Variants in RANBP2 observed in about 807,000 individuals in gnomAD.
RANBP2 encodes the protein RAN binding protein 2, also known as E3 SUMO-protein ligase RanBP2.
RANBP2 carries 57 observed loss-of-function variants against 303.6 expected under a neutral mutation model. That is an observed-to-expected ratio of 0.19 (90% CI 0.15 to 0.23). The LOEUF (loss-of-function observed/expected upper bound fraction) is 0.23, where lower values mean the gene tolerates loss of function less well. Ranked by LOEUF, RANBP2 falls within the 10% of genes least tolerant of loss-of-function variation. The pLI is 1.00. For missense variants in RANBP2, 3,138 were observed against 3,780.8 expected, an observed-to-expected ratio of 0.83 and a Z score of 4.46; for synonymous variants, 1,167 against 1,301.5, an observed-to-expected ratio of 0.90 and a Z score of 2.23.
the RANBP2 span, chr2:109,592,978 C>T: frequency 3.7e-5 from 38 of 1,027,200 alleles, no homozygotes; most frequent in Admixed American, 2.3e-4. Flanking sequence ...TCTATAAGCA[C>T]TCCAAGTAGT....
chr2:108,987,507 C>A, the RANBP2 span, among the ~76,000 whole-genome samples: 2 of 152,208 alleles, frequency 1.3e-5, no homozygotes, highest in East Asian at 3.9e-4. Context: ...AATGTGTATG[C>A]CCAACAAAAT....
At chr2:108,976,486 G>A in the RANBP2 span, among the ~76,000 whole-genome samples, 4 of 152,156 alleles carry the variant, frequency 2.6e-5, no homozygotes, top group Admixed American at 2.6e-4. Flanking sequence ...TCCTTCCGGT[G>A]CTCCTTGGAA....
At chr2:109,216,784 A>G in the RANBP2 span, among the ~76,000 whole-genome samples, 12 of 152,250 alleles carry the variant, frequency 7.9e-5, no homozygotes, top group African/African-American at 2.9e-4. Flanking sequence ...TTGTGGCAAA[A>G]TATACATAAC....
At chr2:109,020,805 T>C in the RANBP2 span, among the ~76,000 whole-genome samples, 1 of 152,250 alleles carries the variant, frequency 6.6e-6, no homozygotes, top group Non-Finnish European at 1.5e-5. Context: ...CCAGTATAGC[T>C]TTGTGAAAAG....
Position 108,719,651 on chromosome 2 carries a change from G to T in RANBP2, c.45G>T (p.Val15=). The T allele has an allele frequency of 6.2e-7, 1 of 1,607,666 alleles. No individual in the cohort carries two copies. The highest frequency in any genetic ancestry group is 1.3e-5 in the African/African-American group (1 of 74,940). The change falls in exon 1 of 29, where the codon GTG becomes GTT. Residue 15 remains valine (V), a synonymous_variant. Transcript: ENST00000283195. The part of the protein sequence containing the change: ...KADVERYIAS[V]QGSTPSPRQK... ...ACGTGGAGCGGTACATCGCCTCGGT[G>T]CAGGGCTCCACCCCGTCGCCTCGAC...
At chr2:109,465,010 T>A in the RANBP2 span, among the ~76,000 whole-genome samples, 1 of 152,220 alleles carries the variant, frequency 6.6e-6, no homozygotes, top group Non-Finnish European at 1.5e-5. Context: ...ACCACTGACC[T>A]TTTTACTGCC....
chr2:108,868,226 G>A, the RANBP2 span, among the ~76,000 whole-genome samples: 2 of 152,068 alleles, frequency 1.3e-5, no homozygotes, highest in African/African-American at 4.8e-5. Context: ...TAAGTTACTC[G>A]CGATAGATTT....
At chr2:109,396,852 C>G in the RANBP2 span, among the ~76,000 whole-genome samples, 1 of 152,226 alleles carries the variant, frequency 6.6e-6, no homozygotes, top group Non-Finnish European at 1.5e-5. Flanking sequence ...ACTTCCATAG[C>G]GGCTCACATG....
the RANBP2 span, among the ~76,000 whole-genome samples, chr2:108,986,825 G>A: frequency 1.3e-5 from 2 of 152,206 alleles, no homozygotes; most frequent in Non-Finnish European, 2.9e-5. Context: ...AGTAAGGACA[G>A]AATCGTAGGC....
chr2:109,266,579 T>G, the RANBP2 span, among the ~76,000 whole-genome samples: 1 of 152,062 alleles, frequency 6.6e-6, no homozygotes, highest in Admixed American at 6.5e-5. Context: ...GTTTTGTGCC[T>G]GATGCCCGTC....
the RANBP2 span, chr2:108,846,977 A>AATATCAT: frequency 9.8e-7 from 1 of 1,019,508 alleles, no homozygotes; most frequent in South Asian, 1.4e-5. Flanking sequence ...AACAATAGAG[A>AATATCAT]ATATCATATA....
chr2:109,326,223 C>A, the RANBP2 span, among the ~76,000 whole-genome samples: 1 of 152,162 alleles, frequency 6.6e-6, no homozygotes, highest in African/African-American at 2.4e-5. Flanking sequence ...TTCTTCCACC[C>A]AACAAGGAAT....
the RANBP2 span, among the ~76,000 whole-genome samples, chr2:109,225,566 T>G: frequency 3.7e-4 from 57 of 152,360 alleles, no homozygotes; most frequent in Non-Finnish European, 1.0e-4. Flanking sequence ...GAATGATTTT[T>G]AATGTGGGAT....
chr2:109,569,353 C>T, the RANBP2 span, among the ~76,000 whole-genome samples: 1 of 151,502 alleles, frequency 6.6e-6, no homozygotes, highest in Non-Finnish European at 1.5e-5. Flanking sequence ...ATCGCTTGAA[C>T]CCAGGAGGCA....
At chr2:108,751,162 A>G (rs1380067247) in intron 9 of RANBP2, 102 bp from the exon 10 acceptor site, 67 of 1,529,400 alleles carry the variant, frequency 4.4e-5, no homozygotes, top group Non-Finnish European at 5.4e-5. Flanking sequence ...AAAAGCAGTT[A>G]TATAATTAAG....
the RANBP2 span, among the ~76,000 whole-genome samples, chr2:108,792,743 G>A: frequency 6.6e-6 from 1 of 152,190 alleles, no homozygotes; most frequent in African/African-American, 2.4e-5. Flanking sequence ...TAAAGCTGGG[G>A]CTTCCATGAG....
the RANBP2 span, among the ~76,000 whole-genome samples, chr2:108,889,833 A>G: frequency 6.6e-5 from 10 of 151,862 alleles, no homozygotes; most frequent in African/African-American, 2.4e-4. Flanking sequence ...GTTGTTTCAT[A>G]TATTCTTTGT....
chr2:109,687,739 G>C, the RANBP2 span, among the ~76,000 whole-genome samples: 8 of 144,032 alleles, frequency 5.6e-5, no homozygotes, highest in Non-Finnish European at 7.6e-5. Context: ...TCAGGTCAGG[G>C]GATTTTTTTT....
At chr2:109,210,905 G>C in the RANBP2 span, among the ~76,000 whole-genome samples, 1 of 152,216 alleles carries the variant, frequency 6.6e-6, no homozygotes, top group Non-Finnish European at 1.5e-5. Flanking sequence ...AACCCCACTT[G>C]ACACGTGGTG....
Sources: gnomAD v4.1 joint callset for allele counts (sites outside exome capture counted in the v4.1 genomes callset) on GRCh38, gnomAD v4.1.1 for gene constraint, MANE v1.5 for transcripts, NCBI Gene and HGNC (gene_info 2026-07-23, HGNC 2026-07-21) for gene names.